The following CSMD2 variants were observed in gnomAD, a reference collection of about 807,000 sequenced individuals.
The protein encoded by CSMD2 is CUB and sushi domain-containing protein 2.
In CSMD2, 130 loss-of-function variants were observed where a neutral mutation model predicts 398.5. The ratio of observed to expected loss-of-function variants is 0.33; its 90% CI spans 0.28 to 0.38. CSMD2 has a LOEUF of 0.38. Ranked by LOEUF, CSMD2 falls within the 10% of genes least tolerant of loss-of-function variation. The probability of loss-of-function intolerance (pLI) is 1.00; values close to 1 mark genes in which losing one functional copy is unlikely to be tolerated. For missense variants in CSMD2, 3,829 were observed against 4,764.9 expected, an observed-to-expected ratio of 0.80 and a Z score of 5.78; for synonymous variants, 1,828 against 1,908.5, an observed-to-expected ratio of 0.96 and a Z score of 1.10.
At chr1:34,126,771 G>A (rs1307691292) in intron 1 of CSMD2, among the ~76,000 whole-genome samples, 1 of 144,918 alleles carries the variant, frequency 6.9e-6, no homozygotes, top group Non-Finnish European at 1.5e-5. Context: ...GGAAACGGAG[G>A]CAAGGAGAGA....
intron 6 of CSMD2, among the ~76,000 whole-genome samples, chr1:33,842,425 C>A (rs1660946209): frequency 6.6e-6 from 1 of 152,182 alleles, no homozygotes; most frequent in Admixed American, 6.5e-5. Flanking sequence ...TCATCTATGA[C>A]TCATGGAATC....
chr1:33,814,405 C>G (rs1048142194), intron 9 of CSMD2, among the ~76,000 whole-genome samples: 2 of 152,192 alleles, frequency 1.3e-5, no homozygotes, highest in African/African-American at 4.8e-5. Context: ...TCTCTATTAG[C>G]TCACTCTCTC....
At chr1:33,595,559 G>A (rs1010094486) in intron 44 of CSMD2, among the ~76,000 whole-genome samples, 7 of 152,122 alleles carry the variant, frequency 4.6e-5, no homozygotes, top group South Asian at 2.1e-4. Context: ...TAATGTCTGC[G>A]TGGATATACA....
rs373384972 is a variant in CSMD2, at chr1:33,557,166, T to C, written c.8743+568A>G. Among the ~76,000 whole-genome samples, 8 of 152,336 alleles carry C rather than the reference T, an allele frequency of 5.3e-5. No individual in the cohort carries two copies. The East Asian group carries it at 1.5e-3, about 29-fold the overall frequency. On this transcript the variant is annotated intron_variant, in intron 55 of 70. Coordinates refer to ENST00000373381, the MANE Select transcript of CSMD2 (RefSeq NM_001281956.2). ...CTTTTAATAGATTTTGTTTCCCCTT[T>C]AATCCTCTAATAACCCTATGGAATA... is the stretch of plus-strand genomic sequence containing the variant.
intron 14 of CSMD2, among the ~76,000 whole-genome samples, chr1:33,739,952 T>C (rs1647002771): frequency 6.6e-6 from 1 of 152,202 alleles, no homozygotes; most frequent in Non-Finnish European, 1.5e-5. Flanking sequence ...CAGAACGCTG[T>C]AGATTTAATC....
chr1:33,605,272 A>T lies in CSMD2; in HGVS notation c.6532+10T>A, dbSNP rs1640513791. On this transcript the variant is annotated intron_variant, in intron 42 of 70. Transcript: ENST00000373381. ...CAGGAAGAACTGCTGGGGATGAGGG[A>T]GCGACATACCTTCACACTTGGGCAG... 2.5e-6 allele frequency: 4 copies of T among 1,612,892 alleles called. No homozygotes were observed. Among genetic ancestry groups the T allele is most frequent in the Non-Finnish European group, 3.4e-6 (4 of 1,179,376 alleles).
At chr1:33,827,747 A>G (rs1658993618) in intron 6 of CSMD2, among the ~76,000 whole-genome samples, 1 of 152,176 alleles carries the variant, frequency 6.6e-6, no homozygotes, top group Non-Finnish European at 1.5e-5. Flanking sequence ...ATACCTACTC[A>G]ATAGATAATC....
At chr1:33,719,580 C>A (rs1187385477) in intron 19 of CSMD2, among the ~76,000 whole-genome samples, 1 of 152,166 alleles carries the variant, frequency 6.6e-6, no homozygotes, top group Non-Finnish European at 1.5e-5. Context: ...CTTCACTTGA[C>A]TGAACCAAGC....
chr1:33,693,271 A>C (rs1250998500), intron 24 of CSMD2, among the ~76,000 whole-genome samples: 1 of 152,254 alleles, frequency 6.6e-6, no homozygotes. Flanking sequence ...CAAGTAACCC[A>C]ATTTATAAAA....
At chr1:33,680,558 C>G (rs150573936) in intron 25 of CSMD2, among the ~76,000 whole-genome samples, 124 of 152,274 alleles carry the variant, frequency 8.1e-4, no homozygotes, top group African/African-American at 2.6e-3. Flanking sequence ...CTTTGCTGAT[C>G]CTTCAGAGAA....
intron 37 of CSMD2, among the ~76,000 whole-genome samples, chr1:33,621,076 G>C (rs148101433): frequency 1.3e-5 from 2 of 152,162 alleles, no homozygotes; most frequent in East Asian, 1.9e-4. Flanking sequence ...ACTTAACTCA[G>C]GCATCCCCTT....
intron 1 of CSMD2, among the ~76,000 whole-genome samples, chr1:34,141,030 C>T (rs763166412): frequency 6.6e-6 from 1 of 152,068 alleles, no homozygotes; most frequent in Non-Finnish European, 1.5e-5. Flanking sequence ...GAATATAGGG[C>T]CTTTTGAGGT....
chr1:33,836,858 G>C (rs1331597494), intron 6 of CSMD2, among the ~76,000 whole-genome samples: 1 of 152,166 alleles, frequency 6.6e-6, no homozygotes, highest in African/African-American at 2.4e-5. Context: ...TCAGTGCACT[G>C]CATCCACTGT....
chr1:33,651,285 G>A (rs1304283015), intron 28 of CSMD2, among the ~76,000 whole-genome samples: 1 of 152,172 alleles, frequency 6.6e-6, no homozygotes, highest in Non-Finnish European at 1.5e-5. Flanking sequence ...TGCATGCCTT[G>A]GTTGCTGCTA....
intron 1 of CSMD2, among the ~76,000 whole-genome samples, chr1:34,160,739 T>G (rs10493055): frequency 0.32 from 49,304 of 152,086 alleles, 9,149 homozygotes; most frequent in Non-Finnish European, 0.42. Flanking sequence ...AAATAAATGC[T>G]TTTTAATACA....
At chr1:33,602,311 G>A in intron 43 of CSMD2, 58 bp downstream of exon 43, 1 of 1,575,554 alleles carries the variant, frequency 6.3e-7, no homozygotes, top group South Asian at 1.1e-5. Flanking sequence ...TGGTAACCCA[G>A]TGTAGAACCC....
intron 26 of CSMD2, among the ~76,000 whole-genome samples, chr1:33,662,645 T>C (rs1644174045): frequency 6.6e-6 from 1 of 152,214 alleles, no homozygotes; most frequent in African/African-American, 2.4e-5. Flanking sequence ...GTGACCATTA[T>C]GGACCGTATG....
intron 2 of CSMD2, among the ~76,000 whole-genome samples, chr1:34,040,408 CCTTTT>C (rs139988848): frequency 2.0e-4 from 30 of 152,162 alleles, no homozygotes; most frequent in South Asian, 1.0e-3. Context: ...GACTGACATC[CCTTTT>C]CTTTTCTTTT....
Position 33,952,798 on chromosome 1 carries a change from C to T in CSMD2, c.518-16844G>A, listed in dbSNP as rs909350982. Among the ~76,000 whole-genome samples the T allele has an allele frequency of 3.3e-5, 5 of 152,136 alleles. No individual in the cohort carries two copies. The East Asian group carries it at 7.7e-4, about 23-fold the overall frequency. Reference sequence around the variant, plus strand: ...AGCATATAGCACAGTGGCCAGCACACAGTAGACACGCAAAAACTATTTCTT... The same window carrying T: ...AGCATATAGCACAGTGGCCAGCACATAGTAGACACGCAAAAACTATTTCTT... On this transcript the variant is annotated intron_variant, in intron 3 of 70. Coordinates refer to ENST00000373381, the MANE Select transcript of CSMD2 (RefSeq NM_001281956.2).
Sources: gnomAD v4.1 joint callset for allele counts (sites outside exome capture counted in the v4.1 genomes callset) on GRCh38, gnomAD v4.1.1 for gene constraint, MANE v1.5 for transcripts, NCBI Gene and HGNC (gene_info 2026-07-23, HGNC 2026-07-21) for gene names.